Variants in FMN1 observed in about 807,000 individuals in gnomAD.
FMN1 encodes formin 1, also known as formin-1.
A neutral mutation model predicts 132.4 loss-of-function variants in FMN1; 110 were observed. The ratio of observed to expected loss-of-function variants is 0.83; its 90% CI spans 0.71 to 0.97. The LOEUF (loss-of-function observed/expected upper bound fraction) is 0.97, where lower values mean the gene tolerates loss of function less well. Among genes scored for constraint, FMN1 ranks in the 50% least tolerant of loss-of-function variants. The pLI is 0.00. For missense variants in FMN1, 1,792 were observed against 1,705.3 expected (o/e 1.05, Z -0.90); for synonymous variants, 722 against 651.7 (o/e 1.11, Z -1.64).
At chr15:33,038,322 T>C (rs2036276538) in intron 6 of FMN1, among the ~76,000 whole-genome samples, 1 of 152,254 alleles carries the variant, frequency 6.6e-6, no homozygotes, top group African/African-American at 2.4e-5. Flanking sequence ...CCGCCCTGCA[T>C]CTTCTGTGTT....
At chr15:32,997,324 T>G (rs1197062352) in intron 7 of FMN1, among the ~76,000 whole-genome samples, 1 of 151,208 alleles carries the variant, frequency 6.6e-6, no homozygotes, top group African/African-American at 2.4e-5. Flanking sequence ...TCACCGTCTT[T>G]TTTTTTTTTT....
At chr15:33,013,654 T>C (rs1439953715) in intron 6 of FMN1, among the ~76,000 whole-genome samples, 9 of 152,210 alleles carry the variant, frequency 5.9e-5, no homozygotes, top group Admixed American at 3.9e-4. Context: ...CAAATATCAA[T>C]ATAGGCAAAA....
chr15:33,118,252 G>GT (rs374057871), intron 4 of FMN1, among the ~76,000 whole-genome samples: 124 of 152,180 alleles, frequency 8.1e-4, no homozygotes, highest in African/African-American at 2.8e-3. Flanking sequence ...CAATTATATC[G>GT]TAAGAGATTT....
intron 9 of FMN1, among the ~76,000 whole-genome samples, chr15:32,928,266 T>A (rs776773278): frequency 6.6e-6 from 1 of 152,134 alleles, no homozygotes; most frequent in Non-Finnish European, 1.5e-5. Flanking sequence ...TACAGAATTT[T>A]AGGAGTTTTA....
intron 6 of FMN1, among the ~76,000 whole-genome samples, chr15:33,045,072 C>T (rs529044073): frequency 3.3e-5 from 5 of 152,360 alleles, no homozygotes; most frequent in East Asian, 1.9e-4. Flanking sequence ...GCTGTGACAC[C>T]TGCTTTGGGG....
At chr15:33,109,608 G>T (rs2039619105) in intron 4 of FMN1, among the ~76,000 whole-genome samples, 1 of 151,930 alleles carries the variant, frequency 6.6e-6, no homozygotes, top group South Asian at 2.1e-4. Context: ...CAAATACTGC[G>T]TGTTCTCACT....
Position 33,128,011 on chromosome 15 carries a change from G to A in FMN1, c.1867+25037C>T, listed in dbSNP as rs188104897. Among the ~76,000 whole-genome samples the A allele has an allele frequency of 8.5e-4, 130 of 152,272 alleles. 1 individual carries two copies. The highest frequency in any genetic ancestry group is 2.0e-3 in the Admixed American group (31 of 15,280). On this transcript the variant is annotated intron_variant, in intron 4 of 20. Transcript: ENST00000616417. ...AGGGCAACGGGGGAAGGGGAAAATA[G>A]ACAAATCATAGCAGAATGCCCAGAC...
rs558511361 is a variant in FMN1 at position 32,898,723 on chromosome 15, T to C, written c.3714+111A>G. On this transcript the variant is annotated intron_variant, in intron 15 of 20. Coordinates refer to ENST00000616417, the MANE Select transcript of FMN1 (RefSeq NM_001277313.2). ...ATCTGTAAACCACGCTGGAGAGCTC[T>C]CATATTCTATGTTGGGCTTGCAGTT... 29 of 712,098 alleles carry C rather than the reference T, an allele frequency of 4.1e-5. No homozygotes were observed. In the African/African-American group the frequency reaches 4.4e-4, roughly 11 times the overall value. 44.1% of individuals were successfully genotyped at this position (712,098 alleles called of 1,614,324 possible).
At chr15:33,050,046 A>T (rs1050703614) in intron 6 of FMN1, among the ~76,000 whole-genome samples, 6 of 152,364 alleles carry the variant, frequency 3.9e-5, no homozygotes, top group South Asian at 4.1e-4. Context: ...TATATTAGAT[A>T]TTCAACACTT....
chr15:33,138,795 G>C (rs1470508892), intron 4 of FMN1, among the ~76,000 whole-genome samples: 1 of 152,170 alleles, frequency 6.6e-6, no homozygotes, highest in Non-Finnish European at 1.5e-5. Flanking sequence ...ATAGTAGTGG[G>C]AGAGGAAAAC....
rs2060253955 is a variant in FMN1 at position 32,899,894 on chromosome 15, A to G, written c.3654+85T>C. 2.2e-6 allele frequency: 3 copies of G among 1,359,990 alleles called. No individual in the cohort carries two copies. In the African/African-American group the frequency reaches 4.3e-5, roughly 20 times the overall value. The allele number at this position is 1,359,990 out of a possible 1,614,324, so 84.2% of individuals were successfully genotyped here. On this transcript the variant is annotated intron_variant, in intron 14 of 20. Transcript: ENST00000616417. ...TAAGGGGAGGATAGAGATAAATGGA[A>G]CAATCTGGAATACGTTTTTTAAAAT...
intron 6 of FMN1, among the ~76,000 whole-genome samples, chr15:33,029,761 T>G (rs2035848481): frequency 6.6e-6 from 1 of 151,910 alleles, no homozygotes; most frequent in African/African-American, 2.4e-5. Flanking sequence ...AAAAGATGTC[T>G]GGAGTTAAGC....
chr15:32,847,898 G>T (rs1345332263), intron 17 of FMN1, among the ~76,000 whole-genome samples: 3 of 151,996 alleles, frequency 2.0e-5, no homozygotes, highest in African/African-American at 7.2e-5. Context: ...GGCCTAAAAT[G>T]CAAATACCCA....
At chr15:33,045,929 G>C (rs1055963144) in intron 6 of FMN1, among the ~76,000 whole-genome samples, 5 of 152,202 alleles carry the variant, frequency 3.3e-5, no homozygotes, top group African/African-American at 1.2e-4. Context: ...AAAGTGCTGG[G>C]ATTACAGGCG....
intron 4 of FMN1, among the ~76,000 whole-genome samples, chr15:33,145,689 G>A (rs1464279439): frequency 6.6e-6 from 1 of 151,024 alleles, no homozygotes; most frequent in Non-Finnish European, 1.5e-5. Context: ...CAGCCCTCAA[G>A]CAGAAGACTC....
rs1240377939 is a variant in FMN1 at position 32,772,994 on chromosome 15, G to A, written c.*1316C>T. 1 of 152,166 alleles carries A rather than the reference G, an allele frequency of 6.6e-6. No homozygotes were observed. The highest frequency in any genetic ancestry group is 1.5e-5 in the Non-Finnish European group (1 of 68,062). The allele number at this position is 152,166 out of a possible 1,614,324, so 9.4% of individuals were successfully genotyped here. ...CCACCAATTGGGGGGAGAAAGCTCGGCCTCTTCAAGGCCTAAAAATGAGTC... is the reference window on the plus strand; with the variant it reads ...CCACCAATTGGGGGGAGAAAGCTCGACCTCTTCAAGGCCTAAAAATGAGTC... On this transcript the variant is annotated 3_prime_UTR_variant, in exon 21 of 21. Transcript: ENST00000616417.
At chr15:33,120,382 C>T (rs1341596170) in intron 4 of FMN1, among the ~76,000 whole-genome samples, 4 of 152,068 alleles carry the variant, frequency 2.6e-5, no homozygotes, top group East Asian at 3.9e-4. Flanking sequence ...ATTAGGTTAC[C>T]AGTTGTGCCC....
chr15:32,896,007 G>T (rs897448014), intron 15 of FMN1, among the ~76,000 whole-genome samples: 3 of 151,912 alleles, frequency 2.0e-5, no homozygotes, highest in Admixed American at 6.6e-5. Flanking sequence ...ATGTCTTATT[G>T]ATTTTATTTT....
intron 19 of FMN1, among the ~76,000 whole-genome samples, chr15:32,789,278 G>C (rs2140932598): frequency 6.6e-6 from 1 of 152,178 alleles, no homozygotes; most frequent in African/African-American, 2.4e-5. Context: ...CAAAACTGAA[G>C]ATACAGTAAA....
Sources: allele counts gnomAD v4.1 joint callset (sites outside exome capture counted in the v4.1 genomes callset), GRCh38; gene constraint gnomAD v4.1.1; transcripts MANE v1.5; gene names NCBI Gene and HGNC (gene_info 2026-07-23, HGNC 2026-07-21).